Variants in LMNTD1 observed in about 807,000 individuals in gnomAD.
LMNTD1 encodes the protein lamin tail domain containing 1.
In LMNTD1, 35 loss-of-function variants were observed where a neutral mutation model predicts 50.9. That is an observed-to-expected ratio of 0.69 (90% CI 0.53 to 0.91). The LOEUF (loss-of-function observed/expected upper bound fraction) is 0.91. Among genes scored for constraint, LMNTD1 ranks in the 40% least tolerant of loss-of-function variants. The pLI is 0.00. For missense variants in LMNTD1, 470 were observed against 475.5 expected (o/e 0.99, Z 0.11); for synonymous variants, 153 against 161.9 (o/e 0.94, Z 0.42).
At chr12:25,595,700 C>A (rs1384949491) in intron 1 of LMNTD1, among the ~76,000 whole-genome samples, 1 of 151,924 alleles carries the variant, frequency 6.6e-6, no homozygotes, top group Non-Finnish European at 1.5e-5. Flanking sequence ...CAAACCCAAA[C>A]CTAGCAGAAG....
intron 1 of LMNTD1, among the ~76,000 whole-genome samples, chr12:25,564,979 G>C (rs150271705): frequency 1.3e-5 from 2 of 152,082 alleles, no homozygotes; most frequent in Non-Finnish European, 2.9e-5. Flanking sequence ...ATTATATAGT[G>C]ACCTTCTTTG....
chr12:25,565,429 C>T (rs112499189), intron 1 of LMNTD1, among the ~76,000 whole-genome samples: 1 of 152,252 alleles, frequency 6.6e-6, no homozygotes, highest in African/African-American at 2.4e-5. Context: ...AACAACTTAA[C>T]ATTGTGGTAT....
intron 8 of LMNTD1, among the ~76,000 whole-genome samples, chr12:25,516,340 A>G (rs972635076): frequency 2.0e-5 from 3 of 152,212 alleles, no homozygotes; most frequent in Admixed American, 6.5e-5. Context: ...TTTGTGTTGA[A>G]TAGCAAATGT....
At chr12:25,554,899 A>G (rs1306364761), upstream of LMNTD1, among the ~76,000 whole-genome samples, 2 of 152,080 alleles carry the variant, frequency 1.3e-5, no homozygotes, top group East Asian at 3.9e-4. Context: ...CCCCGTCTCT[A>G]CTAAAAAAAT....
At position 25,527,665 on chromosome 12, in the gene LMNTD1, TATATATATATATATATACACACACAC is replaced by T. The variant is rs1418646520; in HGVS notation, c.492-736_492-711del. Among the ~76,000 whole-genome samples, 395 of 49,008 alleles carry T rather than the reference TATATATATATATATATACACACACAC, an allele frequency of 8.1e-3. 4 individuals carry two copies. The highest frequency in any genetic ancestry group is 0.011 in the South Asian group (13 of 1,172). The allele number at this position is 49,008 out of a possible 152,430, so 32.2% of individuals were successfully genotyped here. A position where few individuals can be genotyped will look rare whatever the true frequency, so the allele number is the denominator to read the frequency against. ...CTATATATATATATATATATATATA[TATATATATATATATATACACACACAC>T]ACACACACACACACACACACACACA... On this transcript the variant is annotated intron_variant, in intron 4 of 9. Coordinates refer to ENST00000458174, the MANE Select transcript of LMNTD1 (RefSeq NM_001145728.2).
chr12:25,495,555 A>G (rs960312672), intron 9 of LMNTD1, among the ~76,000 whole-genome samples: 2 of 152,170 alleles, frequency 1.3e-5, no homozygotes, highest in African/African-American at 4.8e-5. Flanking sequence ...GCCCATTGCT[A>G]TCTAAGGCTG....
chr12:25,638,600 T>C (rs1417160539), intron 1 of LMNTD1, among the ~76,000 whole-genome samples: 1 of 151,900 alleles, frequency 6.6e-6, no homozygotes, highest in East Asian at 1.9e-4. Context: ...CCAAAACGAA[T>C]AAAGTACTTA....
Position 25,503,751 on chromosome 12 carries a change from G to A in LMNTD1, c.*9C>T, listed in dbSNP as rs1309605305. 6 of 1,572,090 alleles carry A rather than the reference G, an allele frequency of 3.8e-6. No homozygotes were observed. The highest frequency in any genetic ancestry group is 5.2e-6 in the Non-Finnish European group (6 of 1,150,532). ...ACAGTTACTTACCTTTAAAGGTTGA[G>A]TTGACTGCTTATTGCTTTTGTGACT... On this transcript the variant is annotated 3_prime_UTR_variant, in exon 9 of 10. Coordinates refer to ENST00000458174, the MANE Select transcript of LMNTD1 (RefSeq NM_001145728.2).
chr12:25,528,205 G>A (rs1418250037), intron 4 of LMNTD1, among the ~76,000 whole-genome samples: 2 of 152,124 alleles, frequency 1.3e-5, no homozygotes, highest in Non-Finnish European at 2.9e-5. Flanking sequence ...CTAAAAAAAT[G>A]TGAGGAACAC....
chr12:25,537,401 G>C (rs542335802), intron 4 of LMNTD1, among the ~76,000 whole-genome samples: 74 of 152,346 alleles, frequency 4.9e-4, no homozygotes, highest in Admixed American at 1.1e-3. Flanking sequence ...GCCTCCTTAA[G>C]TGGGTCCCTG....
chr12:25,601,609 A>G lies in LMNTD1; in HGVS notation c.58+46885T>C, dbSNP rs561099886. Among the ~76,000 whole-genome samples the G allele has an allele frequency of 6.6e-5, 10 of 152,004 alleles. No homozygotes were observed. In the East Asian group the frequency reaches 1.9e-3, roughly 29 times the overall value. The stretch of plus-strand genomic sequence containing the variant: ...ATGTACCTACCTACTATGTACCCAC[A>G]AAAATTAAAATAAAAATTTTTTTTA... On this transcript the variant is annotated intron_variant, in intron 1 of 7. Coordinates refer to the LMNTD1 transcript ENST00000445693.
chr12:25,643,693 C>A (rs993864453), intron 1 of LMNTD1, among the ~76,000 whole-genome samples: 2 of 152,098 alleles, frequency 1.3e-5, no homozygotes, highest in Non-Finnish European at 2.9e-5. Flanking sequence ...AAGACCATGG[C>A]CCCCTGGGAA....
intron 1 of LMNTD1, among the ~76,000 whole-genome samples, chr12:25,589,319 T>C (rs764112703): frequency 1.2e-4 from 18 of 152,322 alleles, no homozygotes; most frequent in Middle Eastern, 3.4e-3. Context: ...GTATTTTACA[T>C]AAAGTTAAAA....
At chr12:25,502,051 C>A (rs189696073) in intron 9 of LMNTD1, among the ~76,000 whole-genome samples, 18 of 152,148 alleles carry the variant, frequency 1.2e-4, no homozygotes, top group Non-Finnish European at 2.2e-4. Context: ...TTTAAAAAAT[C>A]AAAGCTACCA....
chr12:25,539,546 G>A (rs1453139525), intron 4 of LMNTD1, among the ~76,000 whole-genome samples: 1 of 151,788 alleles, frequency 6.6e-6, no homozygotes, highest in African/African-American at 2.4e-5. Flanking sequence ...GACACAACAT[G>A]CCAGAATCTC....
At chr12:25,482,648 T>G (rs1591815687) in intron 9 of LMNTD1, among the ~76,000 whole-genome samples, 1 of 152,036 alleles carries the variant, frequency 6.6e-6, no homozygotes, top group Admixed American at 6.5e-5. Flanking sequence ...AAACAGGAAG[T>G]GGTATCCATC....
intron 1 of LMNTD1, among the ~76,000 whole-genome samples, chr12:25,603,894 G>A (rs1482573798): frequency 6.6e-6 from 1 of 151,980 alleles, no homozygotes; most frequent in Non-Finnish European, 1.5e-5. Flanking sequence ...AGGGGAAACT[G>A]CAAGTCAGGG....
At chr12:25,527,664 A>ATATATATATATATAT (rs1941854366) in intron 4 of LMNTD1, among the ~76,000 whole-genome samples, 1 of 25,496 alleles carries the variant, frequency 3.9e-5, no homozygotes, top group African/African-American at 1.1e-4. Flanking sequence ...ATATATATAT[A>ATATATATATATATAT]TATATATATA....
intron 4 of LMNTD1, among the ~76,000 whole-genome samples, chr12:25,527,671 TATATATATATACAC>T (rs1215190210): frequency 1.5e-3 from 32 of 22,016 alleles, no homozygotes; most frequent in South Asian, 6.9e-3. Flanking sequence ...TATATATATA[TATATATATATACAC>T]ACACACACAC....
Sources: allele counts gnomAD v4.1 joint callset (sites outside exome capture counted in the v4.1 genomes callset), GRCh38; gene constraint gnomAD v4.1.1; transcripts MANE v1.5; gene names NCBI Gene and HGNC (gene_info 2026-07-23, HGNC 2026-07-21).